The following PDE7A variants were observed in gnomAD, a reference collection of about 807,000 sequenced individuals.
The protein encoded by PDE7A is phosphodiesterase 7A, also known as high affinity 3',5'-cyclic-AMP phosphodiesterase 7A.
PDE7A carries 39 observed loss-of-function variants against 64.3 expected under a neutral mutation model. The ratio of observed to expected loss-of-function variants is 0.61; its 90% CI spans 0.47 to 0.79. PDE7A has a LOEUF of 0.79. PDE7A is among the 30% of genes least tolerant of loss of function. The probability of loss-of-function intolerance (pLI) is 0.00; values close to 1 mark genes in which losing one functional copy is unlikely to be tolerated. For missense variants in PDE7A, 470 were observed against 582.8 expected (o/e 0.81, Z 1.99); for synonymous variants, 203 against 206.8 (o/e 0.98, Z 0.16).
intron 7 of PDE7A, among the ~76,000 whole-genome samples, chr8:65,732,251 G>A (rs910076477): frequency 2.0e-5 from 3 of 151,724 alleles, no homozygotes; most frequent in South Asian, 2.1e-4. Flanking sequence ...CACCAGCCTC[G>A]GCCTCCCAAA....
At chr8:65,728,061 C>T (rs1024610610) in intron 7 of PDE7A, 17 of 152,218 alleles carry the variant, frequency 1.1e-4, no homozygotes, top group Non-Finnish European at 2.2e-4. Context: ...CTCTCATTTT[C>T]TGGCAAACTT....
Position 65,745,388 on chromosome 8 carries a change from A to T in PDE7A, c.499+19T>A. ...AATCTAGACTACATTAACTTGAGCA[A>T]GTCAAATTCTTCACTTACCATTTGT... On this transcript the variant is annotated intron_variant, in intron 5 of 12. Coordinates refer to ENST00000401827, the MANE Select transcript of PDE7A (RefSeq NM_001242318.3). 1 of 1,410,648 alleles carries T rather than the reference A, an allele frequency of 7.1e-7. No homozygotes were observed. Among genetic ancestry groups the T allele is most frequent in the Non-Finnish European group, 1.0e-6 (1 of 994,654 alleles). 87.4% of individuals were successfully genotyped at this position (1,410,648 alleles called of 1,614,324 possible). A position where few individuals can be genotyped will look rare whatever the true frequency, so the allele number is the denominator to read the frequency against.
At chr8:65,794,895 A>C (rs539286527) in intron 1 of PDE7A, among the ~76,000 whole-genome samples, 9 of 152,318 alleles carry the variant, frequency 5.9e-5, no homozygotes, top group Admixed American at 5.2e-4. Context: ...TTAACCCAGG[A>C]TTTGTTAACA....
intron 7 of PDE7A, among the ~76,000 whole-genome samples, chr8:65,730,517 G>T (rs1349671466): frequency 1.3e-5 from 2 of 152,012 alleles, no homozygotes; most frequent in African/African-American, 4.8e-5. Context: ...CTGATGATCT[G>T]AAGTGTAACA....
chr8:65,783,127 G>C lies in PDE7A; in HGVS notation c.139-284C>G, dbSNP rs113312833. On this transcript the variant is annotated intron_variant, in intron 1 of 12. Coordinates refer to ENST00000401827, the MANE Select transcript of PDE7A (RefSeq NM_001242318.3). ...TAATCTGTTTGAGTAAGTCAGTAAA[G>C]GTTTTGGGGTGACATCTGTGTTGAC... 2.6e-5 allele frequency among the ~76,000 whole-genome samples: 4 copies of C among 152,280 alleles called. 1 individual carries two copies. The highest frequency in any genetic ancestry group is 7.2e-5 in the African/African-American group (3 of 41,560).
Position 65,782,857 on chromosome 8 carries a change from T to A in PDE7A, c.139-14A>T. 7.0e-7 allele frequency: 1 copy of A among 1,435,372 alleles called. No homozygotes were observed. The highest frequency in any genetic ancestry group is 1.2e-5 in the South Asian group (1 of 85,420). The allele number at this position is 1,435,372 out of a possible 1,614,324, so 88.9% of individuals were successfully genotyped here. ...AGCTCCACGCCTCTAGAAAAAAAAA[T>A]ACACATTATAATACATGACAATTAA... On this transcript the variant is annotated splice_polypyrimidine_tract_variant and intron_variant, in intron 1 of 12. Coordinates refer to ENST00000401827, the MANE Select transcript of PDE7A (RefSeq NM_001242318.3).
intron 3 of PDE7A, among the ~76,000 whole-genome samples, chr8:65,770,158 TGTGTGC>T (rs957767311): frequency 4.4e-5 from 6 of 136,366 alleles, no homozygotes; most frequent in African/African-American, 1.1e-4. Context: ...TGTGTGTGTG[TGTGTGC>T]CACACCTAAT....
At chr8:65,825,398 A>G (rs1810646177) in intron 1 of PDE7A, among the ~76,000 whole-genome samples, 1 of 152,202 alleles carries the variant, frequency 6.6e-6, no homozygotes, top group Non-Finnish European at 1.5e-5. Context: ...TATACCTCCC[A>G]CTTACCAAGA....
chr8:65,813,220 C>T lies in PDE7A; in HGVS notation c.138+28151G>A, dbSNP rs750268968. On this transcript the variant is annotated intron_variant, in intron 1 of 12. Transcript: ENST00000401827. ...ATGCACATAGCTTCTGACCCAAGTT[C>T]TACCACTTCTAGAAATGAATGTCAC... 7.1e-4 allele frequency among the ~76,000 whole-genome samples: 108 copies of T among 152,128 alleles called. 1 individual carries two copies. Among genetic ancestry groups the T allele is most frequent in the African/African-American group, 2.4e-3 (99 of 41,426 alleles).
intron 7 of PDE7A, among the ~76,000 whole-genome samples, chr8:65,728,778 C>T (rs1324158159): frequency 7.2e-5 from 11 of 151,984 alleles, no homozygotes; most frequent in Non-Finnish European, 1.6e-4. Context: ...GAATAGACAT[C>T]CTGGGAGAAT....
chr8:65,734,003 A>G (rs1435069470), intron 7 of PDE7A, among the ~76,000 whole-genome samples: 4 of 152,212 alleles, frequency 2.6e-5, no homozygotes, highest in Admixed American at 2.6e-4. Flanking sequence ...ACACCTGCAG[A>G]CAATGATTCC....
Position 65,739,603 on chromosome 8 carries a change from A to C in PDE7A, c.500-6T>G. The C allele has an allele frequency of 6.6e-7, 1 of 1,513,458 alleles. No individual in the cohort carries two copies. The highest frequency in any genetic ancestry group is 8.8e-7 in the Non-Finnish European group (1 of 1,136,130). 93.8% of individuals were successfully genotyped at this position (1,513,458 alleles called of 1,614,324 possible). ...TAAGCTTACTAGACTATTTCCTAAA[A>C]AGAAAGAAGAGACATTACATTAGTA... is the stretch of plus-strand genomic sequence containing the variant. On this transcript the variant is annotated splice_polypyrimidine_tract_variant and splice_region_variant and intron_variant, in intron 5 of 12. Transcript: ENST00000401827.
intron 3 of PDE7A, among the ~76,000 whole-genome samples, chr8:65,775,996 T>G (rs897754681): frequency 6.6e-6 from 1 of 152,194 alleles, no homozygotes; most frequent in Non-Finnish European, 1.5e-5. Flanking sequence ...AATTCCCATC[T>G]TTCTGTTCTC....
chr8:65,827,356 C>T (rs941427075), intron 1 of PDE7A, among the ~76,000 whole-genome samples: 3 of 152,010 alleles, frequency 2.0e-5, no homozygotes, highest in Non-Finnish European at 2.9e-5. Context: ...GATCTTAAGC[C>T]GTAATTTTTC....
chr8:65,829,701 A>C (rs933918389), intron 1 of PDE7A, among the ~76,000 whole-genome samples: 3 of 152,138 alleles, frequency 2.0e-5, no homozygotes, highest in African/African-American at 7.2e-5. Flanking sequence ...AATGTTGGGA[A>C]TGGAATTATT....
At chr8:65,785,819 T>G (rs918473246) in intron 1 of PDE7A, among the ~76,000 whole-genome samples, 1 of 137,236 alleles carries the variant, frequency 7.3e-6, no homozygotes, top group Non-Finnish European at 1.5e-5. Flanking sequence ...AGGAGGGGAG[T>G]TGACATTATT....
chr8:65,792,517 T>C (rs2128926320), intron 1 of PDE7A, among the ~76,000 whole-genome samples: 1 of 152,364 alleles, frequency 6.6e-6, no homozygotes, highest in Non-Finnish European at 1.5e-5. Flanking sequence ...CATGTCCCTC[T>C]CTTGCCCAAA....
chr8:65,777,239 C>T (rs1427031540), intron 3 of PDE7A, among the ~76,000 whole-genome samples: 2 of 151,958 alleles, frequency 1.3e-5, no homozygotes, highest in Admixed American at 6.6e-5. Flanking sequence ...ACCACCACGC[C>T]TGGCTAATTT....
chr8:65,807,171 G>A (rs76625039), intron 1 of PDE7A, among the ~76,000 whole-genome samples: 8,691 of 152,252 alleles, frequency 0.057, 358 homozygotes, highest in Middle Eastern at 0.1. Context: ...CCATGAACAT[G>A]GGACATTCTT....
Sources: gnomAD v4.1 joint callset for allele counts (sites outside exome capture counted in the v4.1 genomes callset) on GRCh38, gnomAD v4.1.1 for gene constraint, MANE v1.5 for transcripts, NCBI Gene and HGNC (gene_info 2026-07-23, HGNC 2026-07-21) for gene names.